DNAH12: variants seen among roughly 807,000 people sequenced by gnomAD.
DNAH12 encodes the protein dynein axonemal heavy chain 12, also known as axonemal beta dynein heavy chain 12.
A neutral mutation model predicts 371.5 loss-of-function variants in DNAH12; 285 were observed. The ratio of observed to expected loss-of-function variants is 0.77; its 90% CI spans 0.70 to 0.85. The LOEUF is 0.85. Ranked by LOEUF, DNAH12 falls within the 40% of genes least tolerant of loss-of-function variation. The pLI is 0.00. For missense variants in DNAH12, 3,611 were observed against 3,689.4 expected (o/e 0.98, Z 0.55); for synonymous variants, 1,200 against 1,213.0 (o/e 0.99, Z 0.22).
At chr3:57,519,146 G>T (rs2068313015) in intron 4 of DNAH12, among the ~76,000 whole-genome samples, 1 of 152,354 alleles carries the variant, frequency 6.6e-6, no homozygotes, top group South Asian at 2.1e-4. Context: ...TACCATAACG[G>T]CTAATGATGT....
At chr3:57,476,903 C>T (rs1017781343) in intron 13 of DNAH12, among the ~76,000 whole-genome samples, 2 of 152,000 alleles carry the variant, frequency 1.3e-5, no homozygotes, top group Admixed American at 6.6e-5. Context: ...TAAGGACATA[C>T]ACAAAATTAG....
Position 57,504,119 on chromosome 3 carries a change from A to T in DNAH12, c.983T>A (p.Ile328Lys). Residue 328 changes from isoleucine (I) to lysine (K), a missense_variant, in exon 9 of 74, where the codon ATA becomes AAA. By Grantham distance (102) the Ile-to-Lys change is moderately radical. Around this residue, in one of 3 missense-constraint regions of DNAH12, gnomAD observed 1,314 missense variants for 1,398.7 expected, o/e 0.94. Coordinates refer to ENST00000495027, the MANE Select transcript of DNAH12 (RefSeq NM_001366028.2). Reference sequence around the variant, plus strand: ...TTTGTCGTCATCAAATGTCAATTCTATCTTAAATATTGGCAGCCTTTGTTG... The same window carrying T: ...TTTGTCGTCATCAAATGTCAATTCTTTCTTAAATATTGGCAGCCTTTGTTG... ...KDQQRLPIFK[I>K]ELTFDDDKME... 1.9e-6 allele frequency: 3 copies of T among 1,613,958 alleles called. No homozygotes were observed. Among genetic ancestry groups the T allele is most frequent in the Non-Finnish European group, 2.5e-6 (3 of 1,179,910 alleles).
chr3:57,433,896 T>C (rs1559654150), intron 30 of DNAH12, 68 bp from the exon 31 acceptor site: 1 of 1,294,704 alleles, frequency 7.7e-7, no homozygotes, highest in Non-Finnish European at 9.9e-7. Flanking sequence ...TATCAGTATA[T>C]AAAACTTTAC....
At position 57,296,946 on chromosome 3, in the gene DNAH12, C is replaced by A. The variant is rs972892502; in HGVS notation, c.11433G>T (p.Leu3811=). 1 of 1,551,550 alleles carries A rather than the reference C, an allele frequency of 6.4e-7. No homozygotes were observed. The highest frequency in any genetic ancestry group is 8.7e-7 in the Non-Finnish European group (1 of 1,146,996). ...YNSGKPCVFW[L]SGFFFTQAFL... is the part of the protein sequence containing the mutation. ...AGGCCTGAGTGAAAAAGAAACCTGA[C>A]AGCCAAAACACACAAGGTTTTCCTG... Residue 3811 remains leucine (L), a synonymous_variant, in exon 71 of 74, where the codon CTG becomes CTT. Transcript: ENST00000495027.
At chr3:57,552,553 TTTA>T in the DNAH12 span, among the ~76,000 whole-genome samples, 4 of 152,004 alleles carry the variant, frequency 2.6e-5, no homozygotes, top group East Asian at 3.9e-4. Flanking sequence ...ATTTATGTTA[TTTA>T]TTTATTTATT....
intron 23 of DNAH12, 49 bp downstream of exon 23, chr3:57,454,726 T>A: frequency 6.5e-7 from 1 of 1,538,906 alleles, no homozygotes. Flanking sequence ...AATTAAATTT[T>A]AAAAAACCTG....
chr3:57,436,861 C>G (rs2065142969), intron 30 of DNAH12, 90 bp downstream of exon 30: 2 of 925,822 alleles, frequency 2.2e-6, no homozygotes, highest in African/African-American at 3.5e-5. Context: ...CTCACCTAAT[C>G]AGTTTGCCAA....
chr3:57,508,395 A>G lies in DNAH12; in HGVS notation c.688T>C (p.Phe230Leu), dbSNP rs754214987. The G allele has an allele frequency of 1.2e-6, 2 of 1,602,890 alleles. No individual in the cohort carries two copies. The highest frequency in any genetic ancestry group is 1.7e-6 in the Non-Finnish European group (2 of 1,176,778). ...ACGGGATTTTACCTAATTCCTGTGA[A>G]GTCCAACAAAACTGTATCAGCAAAT... ...TTFADTVLLD[F>L]TGIRAKGPID... The change falls in exon 7 of 74, where the codon TTC becomes CTC. Residue 230 changes from phenylalanine (F) to leucine (L), a missense_variant. Phe to Leu is a conservative substitution (Grantham distance 22, BLOSUM62 0). Coordinates refer to ENST00000495027, the MANE Select transcript of DNAH12 (RefSeq NM_001366028.2).
intron 42 of DNAH12, among the ~76,000 whole-genome samples, chr3:57,404,264 G>GAA (rs1559620406): frequency 9.1e-4 from 138 of 152,210 alleles, no homozygotes; most frequent in African/African-American, 3.3e-3. Context: ...CAATATAGTG[G>GAA]TAAATATTCA....
Position 57,438,179 on chromosome 3 carries a change from C to T in DNAH12, c.4546-1119G>A, listed in dbSNP as rs147458911. Among the ~76,000 whole-genome samples, 744 of 152,118 alleles carry T rather than the reference C, an allele frequency of 4.9e-3. 7 individuals carry two copies. Among genetic ancestry groups the T allele is most frequent in the African/African-American group, 0.017 (715 of 41,516 alleles). On this transcript the variant is annotated intron_variant, in intron 29 of 73. Transcript: ENST00000495027. ...CAAAAAAATCAGCCAGGCGTGGTGG[C>T]GGGCACCTGTAATCCCAGTTACTCG...
intron 60 of DNAH12, among the ~76,000 whole-genome samples, chr3:57,341,669 T>C (rs1249296292): frequency 1.3e-5 from 2 of 152,034 alleles, no homozygotes; most frequent in Non-Finnish European, 2.9e-5. Context: ...ATTAATATTG[T>C]TAAAATGACT....
rs2062888807 is a variant in DNAH12, at chr3:57,360,013, T to C, written c.9361-2665A>G. On this transcript the variant is annotated intron_variant, in intron 58 of 73. Coordinates refer to ENST00000495027, the MANE Select transcript of DNAH12 (RefSeq NM_001366028.2). ...GGTCCTATCATTTATTATATTTTTC[T>C]CACTGTAAGATAAAGCACTTGAACC... Among the ~76,000 whole-genome samples the C allele has an allele frequency of 3.3e-5, 5 of 152,338 alleles. No homozygotes were observed. The South Asian group carries it at 1.0e-3, about 32-fold the overall frequency.
chr3:57,323,659 A>G, intron 62 of DNAH12, 40 bp from the exon 63 acceptor site: 1 of 1,472,814 alleles, frequency 6.8e-7, no homozygotes, highest in East Asian at 2.5e-5. Flanking sequence ...AGCAACTTTT[A>G]TTTCACATAA....
chr3:57,480,311 G>T (rs1355067504), intron 13 of DNAH12, among the ~76,000 whole-genome samples: 11 of 152,122 alleles, frequency 7.2e-5, no homozygotes, highest in African/African-American at 2.7e-4. Flanking sequence ...AAATAAACTA[G>T]AAAATCTAGA....
intron 34 of DNAH12, among the ~76,000 whole-genome samples, 158 bp from the exon 35 acceptor site, chr3:57,425,299 GCC>G (rs2064730946): frequency 6.6e-6 from 1 of 151,922 alleles, no homozygotes; most frequent in African/African-American, 2.4e-5. Context: ...CCAGGCTGGA[GCC>G]CAGTTGCACA....
At chr3:57,513,222 A>ATAGATGAAGCT (rs2068064203) in intron 4 of DNAH12, among the ~76,000 whole-genome samples, 2 of 152,200 alleles carry the variant, frequency 1.3e-5, no homozygotes, top group South Asian at 4.1e-4. Context: ...TTGCAGGGAC[A>ATAGATGAAGCT]TAGATGAAGC....
chr3:57,411,988 T>C (rs1381480170), intron 39 of DNAH12, among the ~76,000 whole-genome samples: 1 of 152,144 alleles, frequency 6.6e-6, no homozygotes, highest in Admixed American at 6.6e-5. Context: ...AATAGGTCAA[T>C]GGAACAGAAT....
In DNAH12 at chr3:57,405,765, A is replaced by G. The variant is rs1050419364; in HGVS notation, c.6464T>C (p.Ile2155Thr). 1.9e-6 allele frequency: 3 copies of G among 1,551,696 alleles called. No individual in the cohort carries two copies. In the Admixed American group the frequency reaches 5.9e-5, roughly 30 times the overall value. The change falls in exon 41 of 74, where the codon ATT becomes ACT. Residue 2155 changes from isoleucine to threonine, a missense_variant. Physicochemically the swap from Ile to Thr is moderately conservative, Grantham distance 89. Coordinates refer to ENST00000495027, the MANE Select transcript of DNAH12 (RefSeq NM_001366028.2). ...CAGCCATCTTCGATCATCATCATTAATGAGGCGATCATAAAACACTCGGAG... is the reference window on the plus strand; with the variant it reads ...CAGCCATCTTCGATCATCATCATTAGTGAGGCGATCATAAAACACTCGGAG... ...EVLRVFYDRL[I>T]NDDDRRWLFQ...
chr3:57,390,411 A>G (rs1227493980), intron 45 of DNAH12, among the ~76,000 whole-genome samples: 1 of 65,340 alleles, frequency 1.5e-5, no homozygotes, highest in African/African-American at 4.4e-5. Flanking sequence ...CCTGTCTCAA[A>G]AAAAAAAAAA....
Sources: allele counts gnomAD v4.1 joint callset (sites outside exome capture counted in the v4.1 genomes callset), GRCh38; gene constraint gnomAD v4.1.1; regional missense constraint gnomAD v4.1.1; transcripts MANE v1.5; gene names NCBI Gene and HGNC (gene_info 2026-07-23, HGNC 2026-07-21).